Variants in THSD4 observed in about 807,000 individuals in gnomAD.
The protein encoded by THSD4 is thrombospondin type-1 domain-containing protein 4.
In THSD4, 69 loss-of-function variants were observed where a neutral mutation model predicts 119.0. The observed-to-expected ratio is 0.58, with a 90% confidence interval of 0.48 to 0.71. The LOEUF is 0.71. THSD4 is among the 30% of genes least tolerant of loss of function. The pLI is 0.00. For missense variants in THSD4, 1,393 were observed against 1,391.1 expected (o/e 1.00, Z -0.02); for synonymous variants, 524 against 540.4 (o/e 0.97, Z 0.42).
At chr15:71,554,571 A>G (rs998465175) in intron 7 of THSD4, among the ~76,000 whole-genome samples, 2 of 152,104 alleles carry the variant, frequency 1.3e-5, no homozygotes, top group East Asian at 3.9e-4. Context: ...TACTTTTTGT[A>G]GAGACAGGGT....
At chr15:71,469,963 G>T (rs2047550883) in intron 7 of THSD4, among the ~76,000 whole-genome samples, 1 of 152,174 alleles carries the variant, frequency 6.6e-6, no homozygotes, top group South Asian at 2.1e-4. Flanking sequence ...GCACAGAGGA[G>T]ATGTCCAAGC....
At position 71,242,948 on chromosome 15, in the gene THSD4, C is replaced by T; in HGVS notation, c.764C>T (p.Ala255Val). The change falls in exon 5 of 18, where the codon GCA (alanine) becomes GTA (valine). Residue 255 changes from alanine to valine, a missense_variant. By Grantham distance (64) the Ala-to-Val change is moderately conservative (BLOSUM62 0). Coordinates refer to ENST00000261862, the MANE Select transcript of THSD4 (RefSeq NM_024817.3). ...LPLTHDQGYP[A>V]ASSLFHSPET... ...TTGACCCATGATCAAGGCTACCCTG[C>T]AGCTTCAAGTCTCTTTCACAGCCCA... The T allele has an allele frequency of 6.2e-7, 1 of 1,614,232 alleles. No homozygotes were observed. Among genetic ancestry groups the T allele is most frequent in the South Asian group, 1.1e-5 (1 of 91,088 alleles).
intron 7 of THSD4, among the ~76,000 whole-genome samples, chr15:71,432,533 T>G (rs1271070693): frequency 1.3e-5 from 2 of 151,732 alleles, no homozygotes; most frequent in African/African-American, 4.8e-5. Context: ...TCTTTTTTTT[T>G]TTTTTTTGCA....
chr15:71,297,501 A>G (rs747666700), intron 6 of THSD4, among the ~76,000 whole-genome samples: 27 of 151,890 alleles, frequency 1.8e-4, no homozygotes, highest in Non-Finnish European at 2.8e-4. Flanking sequence ...ATGCCTGGCT[A>G]ATTTTTGTAT....
intron 10 of THSD4, among the ~76,000 whole-genome samples, chr15:71,736,388 T>A (rs2053107862): frequency 6.6e-6 from 1 of 151,936 alleles, no homozygotes. Context: ...TCTCTCGCAC[T>A]CTGTCTCTCT....
At chr15:71,236,123 G>C (rs1306074920) in intron 4 of THSD4, among the ~76,000 whole-genome samples, 2 of 152,200 alleles carry the variant, frequency 1.3e-5, no homozygotes, top group Admixed American at 6.5e-5. Context: ...GCACAGCTGA[G>C]AGAGGCAGGG....
chr15:71,180,472 A>AT (rs545982305), intron 3 of THSD4, among the ~76,000 whole-genome samples: 51 of 152,322 alleles, frequency 3.3e-4, no homozygotes, highest in Middle Eastern at 6.8e-3. Flanking sequence ...TGGGTGATGG[A>AT]TATGTGCATT....
intron 4 of THSD4, among the ~76,000 whole-genome samples, chr15:71,238,451 TC>T (rs2044124953): frequency 6.6e-6 from 1 of 152,140 alleles, no homozygotes; most frequent in Non-Finnish European, 1.5e-5. Context: ...AGACACTCCA[TC>T]CCTTTAGCAG....
intron 1 of THSD4, among the ~76,000 whole-genome samples, chr15:71,139,745 A>G (rs1229808746): frequency 1.3e-5 from 2 of 152,090 alleles, no homozygotes; most frequent in Non-Finnish European, 2.9e-5. Flanking sequence ...TTATTTTCCC[A>G]CCCACATTTT....
At chr15:71,269,604 A>T (rs560721045) in intron 6 of THSD4, among the ~76,000 whole-genome samples, 3 of 152,222 alleles carry the variant, frequency 2.0e-5, no homozygotes, top group Non-Finnish European at 4.4e-5. Flanking sequence ...GGCCAGGGCA[A>T]TTAGGCAAGA....
intron 6 of THSD4, among the ~76,000 whole-genome samples, chr15:71,317,660 C>G (rs978686743): frequency 1.3e-5 from 2 of 152,082 alleles, no homozygotes; most frequent in Non-Finnish European, 2.9e-5. Flanking sequence ...AAAATGTACC[C>G]TTTGGGAAGT....
At chr15:71,690,715 G>A (rs2052029812) in intron 8 of THSD4, among the ~76,000 whole-genome samples, 1 of 152,208 alleles carries the variant, frequency 6.6e-6, no homozygotes, top group African/African-American at 2.4e-5. Context: ...GGAGGAGCAA[G>A]TCACATCTTA....
intron 6 of THSD4, among the ~76,000 whole-genome samples, chr15:71,361,713 G>C (rs2045893732): frequency 6.6e-6 from 1 of 152,138 alleles, no homozygotes; most frequent in Non-Finnish European, 1.5e-5. Context: ...AGTCTTGTTT[G>C]TCATCACAAA....
intron 4 of THSD4, among the ~76,000 whole-genome samples, chr15:71,237,883 A>G (rs1365079723): frequency 6.6e-6 from 1 of 152,192 alleles, no homozygotes; most frequent in African/African-American, 2.4e-5. Flanking sequence ...CCAGCCCTGG[A>G]TGGCAGCCAG....
rs561478598 is a variant in THSD4, at chr15:71,292,006, G to A, written c.1015+35291G>A. Among the ~76,000 whole-genome samples the A allele has an allele frequency of 1.3e-3, 205 of 152,276 alleles. 1 individual carries two copies. Among genetic ancestry groups the A allele is most frequent in the African/African-American group, 4.7e-3 (194 of 41,550 alleles). On this transcript the variant is annotated intron_variant, in intron 6 of 17. Transcript: ENST00000261862. ...CTAATAGCTTCTCAAGAAAGGGTGC[G>A]AGGGAAGTATTGTTTTAGCTTCTGC...
chr15:71,173,924 TA>T, intron 3 of THSD4, among the ~76,000 whole-genome samples: 1 of 151,998 alleles, frequency 6.6e-6, no homozygotes, highest in Non-Finnish European at 1.5e-5. Flanking sequence ...ATGTCGTGTA[TA>T]AAAATTAACT....
At chr15:71,507,404 T>A (rs4776557) in intron 7 of THSD4, among the ~76,000 whole-genome samples, 1 of 152,140 alleles carries the variant, frequency 6.6e-6, no homozygotes, top group Admixed American at 6.5e-5. Context: ...TTTGCTCTTA[T>A]TTCTCTCATA....
chr15:71,289,683 CTGTTT>C (rs2044765249), intron 6 of THSD4, among the ~76,000 whole-genome samples: 1 of 152,156 alleles, frequency 6.6e-6, no homozygotes. Context: ...AAATGTTGAT[CTGTTT>C]TAAGAACAGA....
At chr15:71,195,492 C>T (rs1323227754) in intron 3 of THSD4, among the ~76,000 whole-genome samples, 1 of 152,122 alleles carries the variant, frequency 6.6e-6, no homozygotes, top group Non-Finnish European at 1.5e-5. Flanking sequence ...AAGTGGACCC[C>T]TCTAGGGGGC....
Sources: allele counts gnomAD v4.1 joint callset (sites outside exome capture counted in the v4.1 genomes callset), GRCh38; gene constraint gnomAD v4.1.1; transcripts MANE v1.5; gene names NCBI Gene and HGNC (gene_info 2026-07-23, HGNC 2026-07-21).